The following ERBB4 variants were observed in gnomAD, a reference collection of about 807,000 sequenced individuals.
The protein encoded by ERBB4 is erb-b2 receptor tyrosine kinase 4, also known as receptor tyrosine-protein kinase erbB-4.
ERBB4 carries 42 observed loss-of-function variants against 158.0 expected under a neutral mutation model. The observed-to-expected ratio is 0.27, with a 90% CI of 0.21 to 0.34. The LOEUF (loss-of-function observed/expected upper bound fraction) is 0.34. ERBB4 is among the 10% of genes least tolerant of loss of function. The pLI, the probability that ERBB4 is intolerant of heterozygous loss-of-function variation, is 1.00. For missense variants in ERBB4, 1,333 were observed against 1,624.1 expected, an observed-to-expected ratio of 0.82 and a Z score of 3.08; for synonymous variants, 583 against 558.7, an observed-to-expected ratio of 1.04 and a Z score of -0.61.
chr2:211,609,179 G>C (rs554973957), intron 19 of ERBB4, among the ~76,000 whole-genome samples: 2 of 152,108 alleles, frequency 1.3e-5, no homozygotes, highest in Non-Finnish European at 2.9e-5. Context: ...TCCCCAGACA[G>C]AGCATACAAA....
chr2:211,889,863 T>A (rs2078916558), intron 3 of ERBB4, among the ~76,000 whole-genome samples: 1 of 150,300 alleles, frequency 6.7e-6, no homozygotes, highest in Non-Finnish European at 1.5e-5. Context: ...GAAAAAAGAA[T>A]AAAAAGAAAT....
intron 1 of ERBB4, among the ~76,000 whole-genome samples, chr2:212,505,120 A>G (rs1413048492): frequency 6.6e-6 from 1 of 152,138 alleles, no homozygotes; most frequent in Non-Finnish European, 1.5e-5. Flanking sequence ...TTTTTGAGAC[A>G]GACTCTTGCT....
At chr2:212,283,260 A>T (rs2085827229) in intron 1 of ERBB4, among the ~76,000 whole-genome samples, 1 of 151,956 alleles carries the variant, frequency 6.6e-6, no homozygotes, top group African/African-American at 2.4e-5. Flanking sequence ...TCAATATAAC[A>T]CTTGCCATTT....
intron 20 of ERBB4, among the ~76,000 whole-genome samples, chr2:211,497,992 C>T (rs2065515567): frequency 1.3e-5 from 2 of 152,214 alleles, no homozygotes; most frequent in South Asian, 2.1e-4. Context: ...CAAGGTTCTG[C>T]CAATAGTTCA....
chr2:212,125,636 A>G (rs1427663920), intron 1 of ERBB4, among the ~76,000 whole-genome samples: 1 of 152,110 alleles, frequency 6.6e-6, no homozygotes, highest in Non-Finnish European at 1.5e-5. Flanking sequence ...TGTTCTCATC[A>G]TTTAGCTCCC....
intron 1 of ERBB4, among the ~76,000 whole-genome samples, chr2:212,250,001 G>A (rs1004295420): frequency 2.6e-5 from 4 of 151,986 alleles, no homozygotes; most frequent in African/African-American, 9.7e-5. Flanking sequence ...CCGTGTATAT[G>A]TATTGCAAGA....
intron 1 of ERBB4, among the ~76,000 whole-genome samples, chr2:212,172,965 A>T (rs971486865): frequency 2.0e-5 from 3 of 152,134 alleles, no homozygotes; most frequent in Non-Finnish European, 2.9e-5. Flanking sequence ...AACAATGGAA[A>T]TGTAAAAAAT....
At chr2:211,629,778 C>T (rs6758337) in intron 17 of ERBB4, among the ~76,000 whole-genome samples, 1 of 151,562 alleles carries the variant, frequency 6.6e-6, no homozygotes, top group Non-Finnish European at 1.5e-5. Context: ...ACAAACCTGA[C>T]AAAAACAAGA....
chr2:212,055,253 G>A (rs2077520657), intron 2 of ERBB4, among the ~76,000 whole-genome samples: 1 of 152,202 alleles, frequency 6.6e-6, no homozygotes, highest in Admixed American at 6.5e-5. Flanking sequence ...CTGGGGAAGG[G>A]GTGCCCGCCA....
intron 25 of ERBB4, 124 bp downstream of exon 25, chr2:211,420,317 T>C (rs2063487930): frequency 4.0e-6 from 3 of 744,720 alleles, no homozygotes; most frequent in Middle Eastern, 7.7e-4. Flanking sequence ...GTATGGTATA[T>C]TTTTAATCTA....
At chr2:212,322,204 TAGG>T (rs2087597898) in intron 1 of ERBB4, among the ~76,000 whole-genome samples, 1 of 150,424 alleles carries the variant, frequency 6.6e-6, no homozygotes, top group Non-Finnish European at 1.5e-5. Context: ...TGAACTGGCT[TAGG>T]AGAAGACAGA....
At chr2:211,774,559 T>A (rs748072854) in intron 4 of ERBB4, among the ~76,000 whole-genome samples, 1 of 152,200 alleles carries the variant, frequency 6.6e-6, no homozygotes. Flanking sequence ...TGGCCAGTCA[T>A]ACAAGTCCCT....
rs1205120151 is a variant in ERBB4, at chr2:212,320,612, T to A, written c.83-195709A>T. ...AAGTCTCTGAGGGCAGGAGTGAAGC[T>A]AGGGGAAAGGCTTGAGGGTGCTACC... On this transcript the variant is annotated intron_variant, in intron 1 of 27. Transcript: ENST00000342788. Among the ~76,000 whole-genome samples, 3 of 149,426 alleles carry A rather than the reference T, an allele frequency of 2.0e-5. No homozygotes were observed. The East Asian group carries it at 5.9e-4, about 29-fold the overall frequency.
chr2:212,495,701 G>T (rs1165657606), intron 1 of ERBB4, among the ~76,000 whole-genome samples: 3 of 152,170 alleles, frequency 2.0e-5, no homozygotes, highest in South Asian at 2.1e-4. Context: ...CTTCAGGAAA[G>T]ATCAGCTCCA....
intron 1 of ERBB4, among the ~76,000 whole-genome samples, chr2:212,407,288 G>T (rs2091374350): frequency 6.6e-6 from 1 of 151,874 alleles, no homozygotes; most frequent in Non-Finnish European, 1.5e-5. Flanking sequence ...ATACCTGAAA[G>T]TAAAAATAAA....
At chr2:211,468,963 T>G (rs1353132704) in intron 20 of ERBB4, among the ~76,000 whole-genome samples, 1 of 149,418 alleles carries the variant, frequency 6.7e-6, no homozygotes, top group Non-Finnish European at 1.5e-5. Context: ...CTGTGTTTCA[T>G]GTACAGCATT....
At chr2:211,391,619 A>G (rs575724296) in intron 25 of ERBB4, among the ~76,000 whole-genome samples, 79 of 152,280 alleles carry the variant, frequency 5.2e-4, no homozygotes, top group Non-Finnish European at 9.0e-4. Flanking sequence ...ACTTGGACTT[A>G]AATGCCAGAG....
chr2:212,141,819 TTTC>T (rs747102055), intron 1 of ERBB4, among the ~76,000 whole-genome samples: 14 of 152,136 alleles, frequency 9.2e-5, no homozygotes, highest in Non-Finnish European at 8.8e-5. Context: ...TGTCCCTGCT[TTTC>T]TTCTTGTCTT....
chr2:211,518,634 A>T (rs950912609), intron 20 of ERBB4, among the ~76,000 whole-genome samples: 2 of 152,002 alleles, frequency 1.3e-5, no homozygotes, highest in Non-Finnish European at 2.9e-5. Flanking sequence ...AGCCTGGGTG[A>T]CAGAGCAAGA....
Sources: allele counts gnomAD v4.1 joint callset (sites outside exome capture counted in the v4.1 genomes callset), GRCh38; gene constraint gnomAD v4.1.1; transcripts MANE v1.5; gene names NCBI Gene and HGNC (gene_info 2026-07-23, HGNC 2026-07-21).